The following ATE1 variants were observed in gnomAD, a reference collection of about 807,000 sequenced individuals.
The protein encoded by ATE1 is arginyltransferase 1.
Under a neutral mutation model 70.5 loss-of-function variants are expected in ATE1, and 36 were observed. The observed-to-expected ratio is 0.51, with a 90% CI of 0.39 to 0.67. The LOEUF (loss-of-function observed/expected upper bound fraction) is 0.67. Ranked by LOEUF, ATE1 falls within the 30% of genes least tolerant of loss-of-function variation. ATE1 has a pLI of 0.00. For synonymous variants in ATE1, 232 were observed against 219.3 expected, an observed-to-expected ratio of 1.06 and a Z score of -0.51; for missense variants, 593 against 629.5, an observed-to-expected ratio of 0.94 and a Z score of 0.62.
chr10:121,766,719 C>T (rs998782761), intron 11 of ATE1, among the ~76,000 whole-genome samples: 2 of 152,014 alleles, frequency 1.3e-5, no homozygotes, highest in Non-Finnish European at 2.9e-5. Context: ...TCTCAAAAAA[C>T]ACAAACTGCC....
Position 121,794,420 on chromosome 10 carries a change from C to T in ATE1, c.1258-4131G>A, listed in dbSNP as rs2133313872. On this transcript the variant is annotated intron_variant, in intron 10 of 11. Transcript: ENST00000224652. ...AGAAGAGAATACCCAGGCTGGGCAA[C>T]ACAGTGAGACCCCATCTCTACAAAA... Among the ~76,000 whole-genome samples, 3 of 152,036 alleles carry T rather than the reference C, an allele frequency of 2.0e-5. No individual in the cohort carries two copies. The East Asian group carries it at 5.8e-4, about 29-fold the overall frequency.
At chr10:121,921,618 G>A (rs1951884241) in intron 3 of ATE1, among the ~76,000 whole-genome samples, 1 of 152,054 alleles carries the variant, frequency 6.6e-6, no homozygotes, top group South Asian at 2.1e-4. Flanking sequence ...CTGAACTGCA[G>A]CTGCCTGGGC....
At position 121,824,877 on chromosome 10, in the gene ATE1, G is replaced by A. The variant is rs138642679; in HGVS notation, c.1257+11841C>T. ...ATGTAATCATTTTGAAATGAGAAGGGGTTAAAAAGAGAGAACTAAGCTTTG... is the reference window on the plus strand; with the variant it reads ...ATGTAATCATTTTGAAATGAGAAGGAGTTAAAAAGAGAGAACTAAGCTTTG... On this transcript the variant is annotated intron_variant, in intron 10 of 11. Transcript: ENST00000224652. Among the ~76,000 whole-genome samples the A allele has an allele frequency of 5.9e-5, 9 of 151,762 alleles. No homozygotes were observed. In the East Asian group the frequency reaches 1.7e-3, roughly 29 times the overall value.
At chr10:121,922,435 T>G in intron 2 of ATE1, 24 bp from the exon 3 acceptor site, 1 of 1,456,914 alleles carries the variant, frequency 6.9e-7, no homozygotes, top group Non-Finnish European at 9.5e-7. Context: ...AATAGTTTGT[T>G]AATGTCTTAT....
intron 11 of ATE1, among the ~76,000 whole-genome samples, chr10:121,755,029 G>A (rs182099770): frequency 6.6e-6 from 1 of 152,206 alleles, no homozygotes; most frequent in African/African-American, 2.4e-5. Context: ...AAAAGACAAG[G>A]ATATACTATG....
chr10:121,869,012 T>C (rs758164164), intron 8 of ATE1, among the ~76,000 whole-genome samples: 1 of 152,196 alleles, frequency 6.6e-6, no homozygotes, highest in East Asian at 1.9e-4. Context: ...TGGGAAAGCA[T>C]AAAATGAAAT....
chr10:121,908,937 A>G (rs936752432), intron 5 of ATE1, among the ~76,000 whole-genome samples: 4 of 152,226 alleles, frequency 2.6e-5, no homozygotes, highest in African/African-American at 9.6e-5. Flanking sequence ...ACAACCCAAG[A>G]CAAACAACCC....
intron 5 of ATE1, among the ~76,000 whole-genome samples, chr10:121,906,415 A>C (rs1951193671): frequency 6.6e-6 from 1 of 152,020 alleles, no homozygotes; most frequent in South Asian, 2.1e-4. Flanking sequence ...GGTAGTCCCA[A>C]GTGCTCCAGT....
intron 3 of ATE1, among the ~76,000 whole-genome samples, chr10:121,919,606 G>A (rs892767653): frequency 2.6e-5 from 4 of 151,564 alleles, no homozygotes; most frequent in South Asian, 2.1e-4. Flanking sequence ...GGGAGTCTGC[G>A]ATCATTCTAA....
chr10:121,900,122 A>G, intron 6 of ATE1, 128 bp from the exon 7 acceptor site: 1 of 1,070,246 alleles, frequency 9.3e-7, no homozygotes, highest in East Asian at 2.7e-5. Flanking sequence ...TAAATATTTT[A>G]ATATTAAAAA....
chr10:121,814,369 G>A (rs1421454492), intron 10 of ATE1, among the ~76,000 whole-genome samples: 7 of 152,188 alleles, frequency 4.6e-5, no homozygotes, highest in Admixed American at 4.6e-4. Flanking sequence ...AGATTTTCTA[G>A]CAAAATGATT....
intron 10 of ATE1, among the ~76,000 whole-genome samples, chr10:121,831,325 ACT>A (rs1489910879): frequency 1.3e-5 from 2 of 152,188 alleles, no homozygotes; most frequent in Non-Finnish European, 2.9e-5. Context: ...TGGAACACTA[ACT>A]CATATTTTGC....
chr10:121,883,991 A>G (rs1304430834), intron 7 of ATE1, among the ~76,000 whole-genome samples: 2 of 151,766 alleles, frequency 1.3e-5, no homozygotes, highest in African/African-American at 4.8e-5. Flanking sequence ...CTGTAATCCC[A>G]GCTACTGGGG....
At chr10:121,836,030 GCA>G (rs1200607501) in intron 10 of ATE1, among the ~76,000 whole-genome samples, 1 of 152,148 alleles carries the variant, frequency 6.6e-6, no homozygotes, top group African/African-American at 2.4e-5. Context: ...TCAGGGTCCT[GCA>G]CAGTCCTTCA....
At chr10:121,862,532 ATTTTTTTTT>A (rs35130703) in intron 8 of ATE1, among the ~76,000 whole-genome samples, 4 of 105,380 alleles carry the variant, frequency 3.8e-5, no homozygotes, top group African/African-American at 1.5e-4. Context: ...AATTTTTTTA[ATTTTTTTTT>A]TTTTTTTTTT....
At chr10:121,904,029 G>A (rs1030638638) in intron 5 of ATE1, among the ~76,000 whole-genome samples, 4 of 151,100 alleles carry the variant, frequency 2.6e-5, no homozygotes, top group Admixed American at 2.6e-4. Flanking sequence ...ACCCAGGCTG[G>A]AGTGCAGTGG....
chr10:121,838,459 C>T (rs1336776032), intron 9 of ATE1, among the ~76,000 whole-genome samples: 9 of 152,128 alleles, frequency 5.9e-5, no homozygotes, highest in African/African-American at 2.2e-4. Flanking sequence ...CTGGCCACCT[C>T]GAGGCACTTA....
chr10:121,779,552 C>G (rs1590275603), intron 11 of ATE1, among the ~76,000 whole-genome samples: 1 of 152,218 alleles, frequency 6.6e-6, no homozygotes, highest in East Asian at 1.9e-4. Context: ...TAAAACTAAT[C>G]TTCCTATCTG....
chr10:121,927,057 G>T, intron 1 of ATE1: 1 of 985,338 alleles, frequency 1.0e-6, no homozygotes, highest in Non-Finnish European at 1.2e-6. Context: ...AAGCTAGACT[G>T]TTCTATTAAA....
Sources: allele counts gnomAD v4.1 joint callset (sites outside exome capture counted in the v4.1 genomes callset), GRCh38; gene constraint gnomAD v4.1.1; transcripts MANE v1.5; gene names NCBI Gene and HGNC (gene_info 2026-07-23, HGNC 2026-07-21).